The following ZBTB40 variants were observed in gnomAD, a reference collection of about 807,000 sequenced individuals.
The protein encoded by ZBTB40 is zinc finger and BTB domain containing 40, also known as zinc finger and BTB domain-containing protein 40.
Under a neutral mutation model 117.5 loss-of-function variants are expected in ZBTB40, and 60 were observed. That is an observed-to-expected ratio of 0.51 (90% CI 0.41 to 0.63). ZBTB40 has a LOEUF of 0.63. Among genes scored for constraint, ZBTB40 ranks in the 30% least tolerant of loss-of-function variants. ZBTB40 has a pLI of 0.00. For missense variants in ZBTB40, 1,287 were observed against 1,498.5 expected (o/e 0.86, Z 2.33); for synonymous variants, 525 against 577.1 (o/e 0.91, Z 1.29).
At chr1:22,450,933 C>T (rs1640855640), upstream of ZBTB40, among the ~76,000 whole-genome samples, 1 of 152,214 alleles carries the variant, frequency 6.6e-6, no homozygotes, top group Non-Finnish European at 1.5e-5. Context: ...GGCTGCATGT[C>T]AGTGACAGGG....
chr1:22,434,154 A>C (rs1640639227), intron 1 of ZBTB40, among the ~76,000 whole-genome samples: 1 of 152,204 alleles, frequency 6.6e-6, no homozygotes, highest in Non-Finnish European at 1.5e-5. Flanking sequence ...GGTGAAGAAA[A>C]GATATTTCAG....
intron 1 of ZBTB40, among the ~76,000 whole-genome samples, chr1:22,443,563 G>C (rs1036650556): frequency 2.6e-5 from 4 of 152,190 alleles, no homozygotes; most frequent in African/African-American, 7.2e-5. Flanking sequence ...AACCCCCTAA[G>C]TAGCAGGCTT....
chr1:22,456,369 A>G (rs1214342884), intron 1 of ZBTB40, among the ~76,000 whole-genome samples: 1 of 152,158 alleles, frequency 6.6e-6, no homozygotes, highest in Non-Finnish European at 1.5e-5. Flanking sequence ...GATGCCACGT[A>G]TTTCATTTCC....
chr1:22,522,339 G>A (rs755537071), intron 15 of ZBTB40, 38 bp from the exon 16 acceptor site: 2 of 1,607,654 alleles, frequency 1.2e-6, no homozygotes, highest in Non-Finnish European at 1.7e-6. Flanking sequence ...CCAACCATTT[G>A]TTCTTTCCCA....
At chr1:22,494,465 A>G (rs2124435742) in intron 3 of ZBTB40, among the ~76,000 whole-genome samples, 1 of 152,304 alleles carries the variant, frequency 6.6e-6, no homozygotes, top group East Asian at 1.9e-4. Flanking sequence ...TCCAGAACTC[A>G]TTTCCATGGT....
At chr1:22,511,057 C>A in intron 9 of ZBTB40, 122 bp from the exon 10 acceptor site, 2 of 1,287,472 alleles carry the variant, frequency 1.6e-6, no homozygotes, top group Non-Finnish European at 2.2e-6. Flanking sequence ...GATGTATAAA[C>A]TGCTTATAAA....
intron 1 of ZBTB40, among the ~76,000 whole-genome samples, chr1:22,473,071 G>A (rs1641449840): frequency 6.6e-6 from 1 of 152,196 alleles, no homozygotes; most frequent in East Asian, 1.9e-4. Context: ...TAGAGGTGAA[G>A]TGTTGCTTAA....
chr1:22,509,937 A>G (rs1275512214), intron 9 of ZBTB40, among the ~76,000 whole-genome samples: 1 of 152,260 alleles, frequency 6.6e-6, no homozygotes. Context: ...AGCTTCTCTC[A>G]GATGAAGGAA....
At chr1:22,474,602 T>C (rs536471484) in intron 1 of ZBTB40, among the ~76,000 whole-genome samples, 17 of 152,330 alleles carry the variant, frequency 1.1e-4, no homozygotes, top group Non-Finnish European at 5.9e-5. Flanking sequence ...TCTGAATGTG[T>C]GATCTTTGCT....
chr1:22,499,749 A>G (rs1412096546), intron 3 of ZBTB40, among the ~76,000 whole-genome samples: 1 of 152,246 alleles, frequency 6.6e-6, no homozygotes, highest in Non-Finnish European at 1.5e-5. Flanking sequence ...GAAGCAAGCT[A>G]AAGCAAAGCC....
chr1:22,485,023 T>C (rs1638426047), intron 1 of ZBTB40, among the ~76,000 whole-genome samples: 2 of 152,338 alleles, frequency 1.3e-5, no homozygotes, highest in South Asian at 4.1e-4. Flanking sequence ...TAATTCTCTT[T>C]AGGCATTGTT....
intron 11 of ZBTB40, among the ~76,000 whole-genome samples, 188 bp from the exon 12 acceptor site, chr1:22,512,736 T>A (rs1350728240): frequency 6.6e-6 from 1 of 152,160 alleles, no homozygotes; most frequent in Non-Finnish European, 1.5e-5. Flanking sequence ...ACTTTGGGGA[T>A]GCCAGTTGGT....
chr1:22,447,035 C>T (rs746292433), upstream of ZBTB40, among the ~76,000 whole-genome samples: 3 of 150,100 alleles, frequency 2.0e-5, no homozygotes, highest in African/African-American at 4.9e-5. Context: ...CCCAGGAGGT[C>T]GAGGCTGCAG....
At chr1:22,487,670 G>A (rs1638508361) in intron 1 of ZBTB40, among the ~76,000 whole-genome samples, 1 of 151,798 alleles carries the variant, frequency 6.6e-6, no homozygotes, top group Non-Finnish European at 1.5e-5. Flanking sequence ...ATTTTCTCCT[G>A]ATCTCCTGCA....
chr1:22,515,416 A>G lies in ZBTB40; in HGVS notation c.2669-1884A>G, dbSNP rs151335255. Among the ~76,000 whole-genome samples the G allele has an allele frequency of 9.9e-4, 150 of 152,250 alleles. 1 individual carries two copies. The highest frequency in any genetic ancestry group is 3.0e-3 in the African/African-American group (126 of 41,548). Reference sequence around the variant, plus strand: ...ACAAATGCTGGCCTAAAACAACCCAAATATACTCTTTTACCATTCTGGAGG... The same window carrying G: ...ACAAATGCTGGCCTAAAACAACCCAGATATACTCTTTTACCATTCTGGAGG... On this transcript the variant is annotated intron_variant, in intron 12 of 17. Coordinates refer to ENST00000375647, the MANE Select transcript of ZBTB40 (RefSeq NM_014870.4).
chr1:22,513,109 A>G lies in ZBTB40; in HGVS notation c.2647A>G (p.Thr883Ala). The change falls in exon 12 of 18, where the codon ACC (threonine) becomes GCC (alanine). Residue 883 changes from threonine (T) to alanine (A), a missense_variant. This residue lies in a region of ZBTB40 where 417 missense variants were observed against 564.1 expected (regional missense o/e 0.74). Transcript: ENST00000375647. The surrounding 1 kb of genome is among the most constrained non-coding windows in gnomAD (Gnocchi z 4.9). ...FTQASALAYHTKKKHSEGKMY... is the reference protein window; with the variant it reads ...FTQASALAYHAKKKHSEGKMY... ...CCAGGCCTCCGCCCTGGCCTATCACACCAAGAAGAAGCACTCAGAAGGTAA... is the reference window on the plus strand; with the variant it reads ...CCAGGCCTCCGCCCTGGCCTATCACGCCAAGAAGAAGCACTCAGAAGGTAA... 6.2e-7 allele frequency: 1 copy of G among 1,614,020 alleles called. No individual in the cohort carries two copies. Among genetic ancestry groups the G allele is most frequent in the Non-Finnish European group, 8.5e-7 (1 of 1,179,964 alleles).
chr1:22,524,825 A>G (rs1043635452), intron 17 of ZBTB40, among the ~76,000 whole-genome samples: 2 of 152,218 alleles, frequency 1.3e-5, no homozygotes, highest in African/African-American at 4.8e-5. Context: ...TGGGCAGGAC[A>G]CAGTACACAC....
At chr1:22,469,375 G>A (rs949446825) in intron 1 of ZBTB40, among the ~76,000 whole-genome samples, 17 of 151,880 alleles carry the variant, frequency 1.1e-4, no homozygotes, top group Admixed American at 5.2e-4. Context: ...GTGTCTGTTC[G>A]CAGGTGTGAT....
intron 1 of ZBTB40, among the ~76,000 whole-genome samples, chr1:22,486,937 G>A (rs180887913): frequency 6.6e-6 from 1 of 152,228 alleles, no homozygotes; most frequent in East Asian, 1.9e-4. Context: ...GTTTTGCCAT[G>A]TTGACCAGGC....
Sources: gnomAD v4.1 joint callset for allele counts (sites outside exome capture counted in the v4.1 genomes callset) on GRCh38, gnomAD v4.1.1 for gene constraint, gnomAD v4.1.1 regional missense constraint, Gnocchi (gnomAD v3.1) non-coding constraint, MANE v1.5 for transcripts, NCBI Gene and HGNC (gene_info 2026-07-23, HGNC 2026-07-21) for gene names.